The following ADAMTSL1 variants were observed in gnomAD, a reference collection of about 807,000 sequenced individuals.
ADAMTSL1 encodes the protein ADAMTS-like protein 1.
ADAMTSL1 carries 126 observed loss-of-function variants against 201.8 expected under a neutral mutation model. That is an observed-to-expected ratio of 0.62 (90% CI 0.54 to 0.72). The LOEUF (loss-of-function observed/expected upper bound fraction) is 0.72. ADAMTSL1 is among the 30% of genes least tolerant of loss of function. The probability of loss-of-function intolerance (pLI) is 0.00; values close to 1 mark genes in which losing one functional copy is unlikely to be tolerated. For synonymous variants in ADAMTSL1, 1,121 were observed against 903.4 expected (o/e 1.24, Z -4.32); for missense variants, 2,679 against 2,277.8 (o/e 1.18, Z -3.59).
intron 23 of ADAMTSL1, among the ~76,000 whole-genome samples, chr9:18,857,197 A>T (rs1005303438): frequency 6.6e-6 from 1 of 152,352 alleles, no homozygotes; most frequent in East Asian, 1.9e-4. Flanking sequence ...AATACAAAGA[A>T]CTTTTTCTAC....
intron 3 of ADAMTSL1, among the ~76,000 whole-genome samples, chr9:18,561,098 TC>T (rs1821465057): frequency 6.6e-6 from 1 of 152,138 alleles, no homozygotes; most frequent in African/African-American, 2.4e-5. Context: ...TGCTCTTGCT[TC>T]CCTAGGTCTT....
chr9:18,589,004 G>C (rs376100997), intron 4 of ADAMTSL1, among the ~76,000 whole-genome samples: 2 of 149,408 alleles, frequency 1.3e-5, no homozygotes, highest in Admixed American at 6.7e-5. Flanking sequence ...CCACCCCTTA[G>C]TATCTGGGAT....
At chr9:18,494,843 C>T (rs2131873825) in intron 1 of ADAMTSL1, among the ~76,000 whole-genome samples, 1 of 152,306 alleles carries the variant, frequency 6.6e-6, no homozygotes, top group Admixed American at 6.5e-5. Flanking sequence ...TTTATTAACA[C>T]TACTAGGTCC....
intron 1 of ADAMTSL1, among the ~76,000 whole-genome samples, chr9:18,045,870 T>A (rs1017461212): frequency 6.6e-6 from 1 of 152,132 alleles, no homozygotes; most frequent in African/African-American, 2.4e-5. Context: ...TCATCTCAAT[T>A]GACAATTTTG....
At chr9:18,634,918 ATATT>A (rs1230922787) in intron 5 of ADAMTSL1, among the ~76,000 whole-genome samples, 4 of 110,488 alleles carry the variant, frequency 3.6e-5, no homozygotes, top group Non-Finnish European at 8.2e-5. Flanking sequence ...TAATATATAT[ATATT>A]AAATAAAAAA....
chr9:18,105,986 G>A (rs972084298), intron 1 of ADAMTSL1, among the ~76,000 whole-genome samples: 2 of 152,116 alleles, frequency 1.3e-5, no homozygotes, highest in Non-Finnish European at 2.9e-5. Flanking sequence ...TTGCAATATC[G>A]GTCAGGAGAT....
chr9:18,504,507 T>C (rs370591845), intron 1 of ADAMTSL1, among the ~76,000 whole-genome samples: 9 of 152,314 alleles, frequency 5.9e-5, no homozygotes, highest in African/African-American at 2.2e-4. Context: ...AGTACACTCA[T>C]GAACCCTGAG....
intron 1 of ADAMTSL1, among the ~76,000 whole-genome samples, chr9:17,974,397 G>A (rs1468943779): frequency 6.6e-6 from 1 of 152,012 alleles, no homozygotes; most frequent in Non-Finnish European, 1.5e-5. Context: ...CTTCAGCAAA[G>A]TTCTATTTTC....
chr9:17,977,399 T>C (rs1446873570), intron 1 of ADAMTSL1, among the ~76,000 whole-genome samples: 2 of 152,160 alleles, frequency 1.3e-5, no homozygotes, highest in Non-Finnish European at 2.9e-5. Context: ...CTATTAGTTA[T>C]TCTTTAAATG....
chr9:18,673,880 T>A (rs563686345), intron 9 of ADAMTSL1, among the ~76,000 whole-genome samples: 1 of 152,282 alleles, frequency 6.6e-6, no homozygotes, highest in African/African-American at 2.4e-5. Flanking sequence ...ACAAACTTAC[T>A]AGAAGGACTG....
At chr9:18,842,864 C>A (rs1420869532) in intron 23 of ADAMTSL1, among the ~76,000 whole-genome samples, 1 of 151,432 alleles carries the variant, frequency 6.6e-6, no homozygotes, top group Non-Finnish European at 1.5e-5. Flanking sequence ...CAACCCCTGC[C>A]TTTTTTGTTT....
At chr9:18,381,099 C>G (rs775513777) in intron 2 of ADAMTSL1, among the ~76,000 whole-genome samples, 2 of 152,132 alleles carry the variant, frequency 1.3e-5, no homozygotes, top group Non-Finnish European at 2.9e-5. Context: ...ATGAAATGCA[C>G]TTGAATGGGT....
intron 2 of ADAMTSL1, among the ~76,000 whole-genome samples, chr9:18,317,270 C>T (rs1358335255): frequency 2.0e-5 from 3 of 152,042 alleles, no homozygotes; most frequent in Non-Finnish European, 4.4e-5. Context: ...TGGTCAAAGG[C>T]TACAACTCTC....
At chr9:18,750,281 C>T (rs904891232) in intron 15 of ADAMTSL1, among the ~76,000 whole-genome samples, 1 of 152,198 alleles carries the variant, frequency 6.6e-6, no homozygotes, top group Admixed American at 6.5e-5. Flanking sequence ...CCACTCTACT[C>T]CTCTTCTAGT....
chr9:18,231,658 C>T (rs1027985175), intron 2 of ADAMTSL1, among the ~76,000 whole-genome samples: 3 of 152,182 alleles, frequency 2.0e-5, no homozygotes, highest in African/African-American at 7.2e-5. Flanking sequence ...GAACAGCTTC[C>T]CTGGTACCCA....
At chr9:18,279,809 C>G (rs930180920) in intron 2 of ADAMTSL1, among the ~76,000 whole-genome samples, 3 of 152,194 alleles carry the variant, frequency 2.0e-5, no homozygotes, top group African/African-American at 7.2e-5. Context: ...CTCACAGGTG[C>G]CAGCCTGGCA....
rs959921729 is a variant in ADAMTSL1 at position 18,718,090 on chromosome 9, A to G, written c.1877-3446A>G. 5.2e-5 allele frequency: 69 copies of G among 1,338,882 alleles called. No homozygotes were observed. The Middle Eastern group carries it at 5.4e-4, about 10-fold the overall frequency. 82.9% of individuals were successfully genotyped at this position (1,338,882 alleles called of 1,614,324 possible). On this transcript the variant is annotated intron_variant, in intron 14 of 28. Transcript: ENST00000380548. The stretch of plus-strand genomic sequence containing the variant: ...TAACATTTATTTTGAATTTTGTAGA[A>G]GAATCTAAGAATGCACAGTTGTTCC...
At chr9:18,485,429 C>G (rs1395511398) in intron 1 of ADAMTSL1, among the ~76,000 whole-genome samples, 1 of 152,136 alleles carries the variant, frequency 6.6e-6, no homozygotes, top group African/African-American at 2.4e-5. Context: ...CCTTGAAACA[C>G]AAAGATAAAC....
chr9:18,893,163 C>G (rs1829398229), intron 26 of ADAMTSL1, among the ~76,000 whole-genome samples: 2 of 152,052 alleles, frequency 1.3e-5, no homozygotes, highest in South Asian at 4.2e-4. Context: ...CATGAGCTCC[C>G]TTTGCCAGGG....
Sources: gnomAD v4.1 joint callset for allele counts (sites outside exome capture counted in the v4.1 genomes callset) on GRCh38, gnomAD v4.1.1 for gene constraint, MANE v1.5 for transcripts, NCBI Gene and HGNC (gene_info 2026-07-23, HGNC 2026-07-21) for gene names.